Variants in VWA3B observed in about 807,000 individuals in gnomAD.
The protein encoded by VWA3B is von Willebrand factor A domain-containing protein 3B.
Under a neutral mutation model 158.3 loss-of-function variants are expected in VWA3B, and 138 were observed. The ratio of observed to expected loss-of-function variants is 0.87; its 90% CI spans 0.76 to 1.00. The LOEUF (loss-of-function observed/expected upper bound fraction) is 1.00. VWA3B is among the 50% of genes least tolerant of loss of function. VWA3B has a pLI of 0.00. For synonymous variants in VWA3B, 596 were observed against 587.3 expected (o/e 1.01, Z -0.21); for missense variants, 1,555 against 1,565.1 (o/e 0.99, Z 0.11).
At chr2:98,285,166 A>G (rs529048241) in intron 22 of VWA3B, among the ~76,000 whole-genome samples, 1 of 152,240 alleles carries the variant, frequency 6.6e-6, no homozygotes, top group Non-Finnish European at 1.5e-5. Context: ...CTTCCTCCTA[A>G]CAAGATCCCT....
At chr2:98,300,306 C>T in intron 25 of VWA3B, 90 bp downstream of exon 25, 3 of 1,565,946 alleles carry the variant, frequency 1.9e-6, no homozygotes, top group South Asian at 1.2e-5. Flanking sequence ...GAATGGTTTC[C>T]CTGGCTGCAT....
chr2:98,279,832 C>T (rs571298763), intron 22 of VWA3B, among the ~76,000 whole-genome samples: 1 of 152,168 alleles, frequency 6.6e-6, no homozygotes, highest in East Asian at 1.9e-4. Context: ...GGTGTGTTCC[C>T]TGGGGGCCAG....
rs1349803161 is a variant in VWA3B at position 98,192,785 on chromosome 2, A to G, written c.1467-113A>G. On this transcript the variant is annotated intron_variant, in intron 10 of 27. Transcript: ENST00000477737. ...ATGATCTACTCACAGAAGATTGGGT[A>G]TAAACAACATAGCGCAGCTCTGTCC... 5 of 1,441,562 alleles carry G rather than the reference A, an allele frequency of 3.5e-6. No homozygotes were observed. The African/African-American group carries it at 4.2e-5, about 12-fold the overall frequency. 89.3% of individuals were successfully genotyped at this position (1,441,562 alleles called of 1,614,324 possible). A position where few individuals can be genotyped will look rare whatever the true frequency, so the allele number is the denominator to read the frequency against.
At chr2:98,242,356 G>C (rs1190314814) in intron 19 of VWA3B, 2 of 454,644 alleles carry the variant, frequency 4.4e-6, no homozygotes, top group South Asian at 3.1e-5. Context: ...AAATGGACTC[G>C]ATAATTTTAT....
intron 6 of VWA3B, among the ~76,000 whole-genome samples, chr2:98,132,274 C>T (rs547970279): frequency 3.9e-5 from 6 of 152,334 alleles, no homozygotes; most frequent in Admixed American, 3.9e-4. Context: ...CGAGTAGTGC[C>T]CCTGCCTTCT....
chr2:98,186,299 TC>T (rs754981650), intron 9 of VWA3B, among the ~76,000 whole-genome samples: 2 of 151,926 alleles, frequency 1.3e-5, no homozygotes, highest in African/African-American at 4.8e-5. Flanking sequence ...AGTGCTCTGA[TC>T]GCTTCTCTGT....
intron 22 of VWA3B, among the ~76,000 whole-genome samples, chr2:98,274,555 T>TG (rs1688405533): frequency 6.6e-6 from 1 of 152,010 alleles, no homozygotes; most frequent in Non-Finnish European, 1.5e-5. Flanking sequence ...GGCAGGGATG[T>TG]GGGGAAGAAC....
chr2:98,250,418 C>T lies in VWA3B; in HGVS notation c.2774C>T (p.Ala925Val). ...LNIYKRKVEQ[A>V]IQSYEKRLNK... is the part of the protein sequence containing the mutation. Reference sequence around the variant, plus strand: ...ATCTACAAGCGAAAAGTGGAACAGGCAATTCAATCCTATGAAAAGTGAGTA... The same window carrying T: ...ATCTACAAGCGAAAAGTGGAACAGGTAATTCAATCCTATGAAAAGTGAGTA... Residue 925 changes from alanine to valine, a missense_variant, in exon 20 of 28, where the codon GCA (alanine) becomes GTA (valine). Ala to Val is a moderately conservative substitution (Grantham distance 64). Coordinates refer to ENST00000477737, the MANE Select transcript of VWA3B (RefSeq NM_144992.5). The T allele has an allele frequency of 6.2e-7, 1 of 1,610,024 alleles. No individual in the cohort carries two copies.
intron 19 of VWA3B, among the ~76,000 whole-genome samples, chr2:98,243,492 CCTGA>C (rs1396785939): frequency 2.6e-5 from 4 of 152,062 alleles, no homozygotes; most frequent in South Asian, 2.1e-4. Flanking sequence ...CACCACCATG[CCTGA>C]CTAATTTTTT....
chr2:98,162,395 A>G (rs1025899573), intron 7 of VWA3B, among the ~76,000 whole-genome samples: 1 of 152,140 alleles, frequency 6.6e-6, no homozygotes, highest in African/African-American at 2.4e-5. Context: ...GGCAATCACT[A>G]TTACATTGGG....
chr2:98,222,190 C>G (rs1282709362), intron 14 of VWA3B, among the ~76,000 whole-genome samples: 1 of 152,170 alleles, frequency 6.6e-6, no homozygotes, highest in African/African-American at 2.4e-5. Context: ...CATACCCTAT[C>G]AACTTCCTAC....
chr2:98,286,080 G>T (rs953660420), intron 22 of VWA3B, among the ~76,000 whole-genome samples: 38 of 151,752 alleles, frequency 2.5e-4, no homozygotes, highest in Non-Finnish European at 4.7e-4. Flanking sequence ...AGTGCTCATT[G>T]CTAATACATA....
intron 8 of VWA3B, among the ~76,000 whole-genome samples, chr2:98,179,816 TTCTTTCTTTCTTTTTC>T (rs1296875182): frequency 2.1e-5 from 3 of 141,598 alleles, no homozygotes; most frequent in East Asian, 2.4e-4. Flanking sequence ...CTTTCTTTCT[TTCTTTCTTTCTTTTTC>T]TTTCTTTCTT....
intron 26 of VWA3B, 137 bp downstream of exon 26, chr2:98,303,939 G>T: frequency 1.3e-6 from 1 of 792,110 alleles, no homozygotes; most frequent in Non-Finnish European, 2.0e-6. Flanking sequence ...TTAAAATGTA[G>T]CTCTGTGTTT....
Position 98,192,912 on chromosome 2 carries a change from A to G in VWA3B, c.1481A>G (p.Gln494Arg). The G allele has an allele frequency of 1.2e-6, 2 of 1,614,224 alleles. No homozygotes were observed. Among genetic ancestry groups the G allele is most frequent in the Non-Finnish European group, 1.7e-6 (2 of 1,180,044 alleles). Reference protein sequence around the residue: ...ARIRRRIKWLQDGSQSLFGRL... With the variant: ...ARIRRRIKWLRDGSQSLFGRL... Reference sequence around the variant, plus strand: ...TTCCTGCCTAGGATTAAATGGCTACAGGATGGGAGTCAAAGCCTCTTTGGA... The same window carrying G: ...TTCCTGCCTAGGATTAAATGGCTACGGGATGGGAGTCAAAGCCTCTTTGGA... The change falls in exon 11 of 28, where the codon CAG (glutamine) becomes CGG (arginine). Residue 494 changes from glutamine to arginine, a missense_variant. Gln to Arg is a conservative substitution (Grantham distance 43). Coordinates refer to ENST00000477737, the MANE Select transcript of VWA3B (RefSeq NM_144992.5).
chr2:98,289,389 G>A (rs1440855571), intron 22 of VWA3B, among the ~76,000 whole-genome samples: 3 of 152,078 alleles, frequency 2.0e-5, no homozygotes, highest in Non-Finnish European at 4.4e-5. Context: ...TCTACCTAGG[G>A]ATATGATCAG....
chr2:98,135,692 C>A (rs1054917327), intron 7 of VWA3B, among the ~76,000 whole-genome samples: 1 of 152,202 alleles, frequency 6.6e-6, no homozygotes, highest in Non-Finnish European at 1.5e-5. Flanking sequence ...CAATCCATTT[C>A]AGTGATCACA....
intron 19 of VWA3B, among the ~76,000 whole-genome samples, chr2:98,237,948 G>A (rs1323738468): frequency 6.6e-6 from 1 of 152,154 alleles, no homozygotes; most frequent in African/African-American, 2.4e-5. Context: ...AAGACTTAGT[G>A]AGAAGGGTCG....
At chr2:98,215,310 G>A (rs1165186130) in intron 13 of VWA3B, among the ~76,000 whole-genome samples, 5 of 150,856 alleles carry the variant, frequency 3.3e-5, no homozygotes, top group East Asian at 2.0e-4. Flanking sequence ...GCCTGGTGGC[G>A]TGCGCCTGTA....
Sources: gnomAD v4.1 joint callset for allele counts (sites outside exome capture counted in the v4.1 genomes callset) on GRCh38, gnomAD v4.1.1 for gene constraint, MANE v1.5 for transcripts, NCBI Gene and HGNC (gene_info 2026-07-23, HGNC 2026-07-21) for gene names.